The following RBFOX1 variants were observed in gnomAD, a reference collection of about 807,000 sequenced individuals.
The protein encoded by RBFOX1 is RNA binding fox-1 homolog 1.
A neutral mutation model predicts 57.7 loss-of-function variants in RBFOX1; 8 were observed. The observed-to-expected ratio is 0.14, with a 90% CI of 0.08 to 0.25. The LOEUF (loss-of-function observed/expected upper bound fraction) is 0.25, where lower values mean the gene tolerates loss of function less well. Ranked by LOEUF, RBFOX1 falls within the 10% of genes least tolerant of loss-of-function variation. RBFOX1 has a pLI of 1.00. For missense variants in RBFOX1, 611 were observed against 548.5 expected (o/e 1.11, Z -1.14); for synonymous variants, 326 against 222.4 (o/e 1.47, Z -4.15).
intron 1 of RBFOX1, among the ~76,000 whole-genome samples, chr16:6,165,004 T>C (rs2096906901): frequency 6.6e-6 from 1 of 152,158 alleles, no homozygotes; most frequent in South Asian, 2.1e-4. Context: ...ATATGTATAT[T>C]TAATATTATA....
At position 6,801,774 on chromosome 16, in the gene RBFOX1, T is replaced by C. The variant is rs369837885; in HGVS notation, c.-16+147124T>C. Reference sequence around the variant, plus strand: ...TTACAGGGAGAAGGTCTGGAAAATATTGCCAGACCGACTCAAAATTACAAA... The same window carrying C: ...TTACAGGGAGAAGGTCTGGAAAATACTGCCAGACCGACTCAAAATTACAAA... On this transcript the variant is annotated intron_variant, in intron 3 of 15. Transcript: ENST00000550418. Among the ~76,000 whole-genome samples, 25 of 152,234 alleles carry C rather than the reference T, an allele frequency of 1.6e-4. 1 individual carries two copies. In the South Asian group the frequency reaches 5.0e-3, roughly 30 times the overall value.
At position 5,410,047 on chromosome 16, in the gene RBFOX1, CAA is replaced by C. The variant is rs57923211; in HGVS notation, c.220-57151_220-57150del. Among the ~76,000 whole-genome samples the C allele has an allele frequency of 8.6e-3, 984 of 114,856 alleles. 11 individuals carry two copies. Among genetic ancestry groups the C allele is most frequent in the African/African-American group, 0.028 (895 of 32,000 alleles). The allele number at this position is 114,856 out of a possible 152,430, so 75.3% of individuals were successfully genotyped here. Reference sequence around the variant, plus strand: ...TGGGTGACAGAGCAAGACTCCATCTCAAAAAAAAAAAAAAAAAAATAATAATC... The same window carrying C: ...TGGGTGACAGAGCAAGACTCCATCTCAAAAAAAAAAAAAAAAATAATAATC... On this transcript the variant is annotated intron_variant, in intron 1 of 2. Transcript: ENST00000585867.
chr16:6,474,778 T>C (rs535203423), intron 2 of RBFOX1, among the ~76,000 whole-genome samples: 1 of 152,290 alleles, frequency 6.6e-6, no homozygotes, highest in Non-Finnish European at 1.5e-5. Context: ...AGAATTCTGG[T>C]TCCTTAGATC....
chr16:7,458,471 G>A (rs1457005533), intron 4 of RBFOX1, among the ~76,000 whole-genome samples: 1 of 152,120 alleles, frequency 6.6e-6, no homozygotes, highest in Non-Finnish European at 1.5e-5. Context: ...AATGAGCCAT[G>A]CCTCTCTAGC....
chr16:6,084,475 C>G (rs1330705249), intron 1 of RBFOX1, among the ~76,000 whole-genome samples: 1 of 152,114 alleles, frequency 6.6e-6, no homozygotes, highest in Non-Finnish European at 1.5e-5. Context: ...AACTCCCAGG[C>G]TGAAGCAATT....
At chr16:6,517,217 A>G (rs1209561001) in intron 2 of RBFOX1, among the ~76,000 whole-genome samples, 2 of 152,032 alleles carry the variant, frequency 1.3e-5, no homozygotes, top group Non-Finnish European at 2.9e-5. Context: ...GTGATGATAT[A>G]TGGCCTTCCC....
chr16:6,940,833 C>A (rs1186017923), intron 3 of RBFOX1, among the ~76,000 whole-genome samples: 2 of 130,068 alleles, frequency 1.5e-5, no homozygotes, highest in Non-Finnish European at 3.1e-5. Context: ...CAGGCGCCTG[C>A]CACCATGTCC....
intron 1 of RBFOX1, among the ~76,000 whole-genome samples, chr16:6,134,234 G>C (rs1360530085): frequency 6.6e-6 from 1 of 152,092 alleles, no homozygotes; most frequent in Non-Finnish European, 1.5e-5. Flanking sequence ...ACCACACCCA[G>C]CCTAATTTCT....
At chr16:6,634,076 CATACACACACACAT>C (rs1020020506) in intron 2 of RBFOX1, among the ~76,000 whole-genome samples, 2 of 145,252 alleles carry the variant, frequency 1.4e-5, no homozygotes, top group African/African-American at 5.1e-5. Context: ...TACACACACA[CATACACACACACAT>C]ACACATACAC....
intron 1 of RBFOX1, among the ~76,000 whole-genome samples, chr16:5,317,674 TCAGTGCCTGA>T (rs2064280525): frequency 1.3e-5 from 2 of 152,350 alleles, no homozygotes; most frequent in South Asian, 4.1e-4. Flanking sequence ...AGTGCCTCAT[TCAGTGCCTGA>T]CAATTACTCA....
At chr16:7,517,149 G>A (rs1004765673) in intron 4 of RBFOX1, among the ~76,000 whole-genome samples, 1 of 110,998 alleles carries the variant, frequency 9.0e-6, no homozygotes, top group Admixed American at 1.0e-4. Context: ...GTGTGTGTGT[G>A]TGTGTGTGTG....
chr16:6,412,131 T>TAAA (rs57126566), intron 2 of RBFOX1, among the ~76,000 whole-genome samples: 3 of 133,710 alleles, frequency 2.2e-5, no homozygotes, highest in African/African-American at 5.5e-5. Flanking sequence ...AGACTCCATG[T>TAAA]AAAAAAAAAA....
intron 4 of RBFOX1, among the ~76,000 whole-genome samples, chr16:7,071,896 G>T (rs1465239934): frequency 2.6e-5 from 4 of 152,054 alleles, no homozygotes; most frequent in Admixed American, 2.6e-4. Flanking sequence ...GTTGAGACCA[G>T]AAGCTCAGCT....
chr16:6,678,936 G>A (rs2058193473), intron 3 of RBFOX1, among the ~76,000 whole-genome samples: 1 of 152,276 alleles, frequency 6.6e-6, no homozygotes, highest in South Asian at 2.1e-4. Flanking sequence ...GCACATGGAT[G>A]TGGCATTCAG....
At chr16:6,023,170 T>G (rs1334111525) in intron 1 of RBFOX1, among the ~76,000 whole-genome samples, 3 of 152,072 alleles carry the variant, frequency 2.0e-5, no homozygotes, top group African/African-American at 7.2e-5. Context: ...CTACAGAGTT[T>G]TCCACTCAGA....
intron 4 of RBFOX1, among the ~76,000 whole-genome samples, chr16:7,376,867 A>C (rs2097694582): frequency 6.6e-6 from 1 of 152,114 alleles, no homozygotes; most frequent in African/African-American, 2.4e-5. Context: ...GAAACATAAA[A>C]CTTCCCTACC....
intron 3 of RBFOX1, among the ~76,000 whole-genome samples, chr16:6,866,025 C>T (rs2059853883): frequency 6.6e-6 from 1 of 151,976 alleles, no homozygotes; most frequent in South Asian, 2.1e-4. Flanking sequence ...GCTAGCACAT[C>T]TTTGAATGCA....
At chr16:5,790,859 A>ATTTTTTTT (rs1157751312) in intron 3 of RBFOX1, among the ~76,000 whole-genome samples, 3 of 112,958 alleles carry the variant, frequency 2.7e-5, no homozygotes, top group Non-Finnish European at 5.6e-5. Flanking sequence ...GTGGGTCTTT[A>ATTTTTTTT]TTTTTTTTTT....
chr16:7,437,548 G>A (rs1435371542), intron 4 of RBFOX1, among the ~76,000 whole-genome samples: 2 of 152,160 alleles, frequency 1.3e-5, no homozygotes, highest in Admixed American at 6.5e-5. Flanking sequence ...ACATGGGAAC[G>A]GAAACTCAGC....
Sources: gnomAD v4.1 joint callset for allele counts (sites outside exome capture counted in the v4.1 genomes callset) on GRCh38, gnomAD v4.1.1 for gene constraint, MANE v1.5 for transcripts, NCBI Gene and HGNC (gene_info 2026-07-23, HGNC 2026-07-21) for gene names.